ZNF609: variants seen among roughly 807,000 people sequenced by gnomAD.
ZNF609 encodes the protein zinc finger protein 609.
ZNF609 carries 11 observed loss-of-function variants against 109.5 expected under a neutral mutation model. The observed-to-expected ratio is 0.10, with a 90% CI of 0.06 to 0.17. The LOEUF is 0.17. Ranked by LOEUF, ZNF609 falls within the 10% of genes least tolerant of loss-of-function variation. The pLI, the probability that ZNF609 is intolerant of heterozygous loss-of-function variation, is 1.00. For missense variants in ZNF609, 1,559 were observed against 1,772.4 expected (o/e 0.88, Z 2.16); for synonymous variants, 646 against 662.0 (o/e 0.98, Z 0.37).
intron 2 of ZNF609, among the ~76,000 whole-genome samples, chr15:64,509,518 A>G (rs1181225970): frequency 6.6e-6 from 1 of 152,222 alleles, no homozygotes; most frequent in Non-Finnish European, 1.5e-5. Flanking sequence ...TAATCCCCTG[A>G]AGGCTTTGGA....
chr15:64,536,744 A>G (rs1320629211), intron 2 of ZNF609, among the ~76,000 whole-genome samples: 1 of 148,430 alleles, frequency 6.7e-6, no homozygotes, highest in African/African-American at 2.5e-5. Context: ...CAAAAAAAAA[A>G]TTAGCTGGCA....
chr15:64,477,623 C>CT (rs528565686), intron 1 of ZNF609, among the ~76,000 whole-genome samples: 114,778 of 142,610 alleles, frequency 0.8, 48,699 homozygotes, highest in East Asian at 0.95. Context: ...GTCTTATTTC[C>CT]TTTTTTTTTT....
chr15:64,606,475 G>T (rs1016680972), intron 2 of ZNF609, among the ~76,000 whole-genome samples: 1 of 147,734 alleles, frequency 6.8e-6, no homozygotes. Context: ...CACAAGAATC[G>T]CTTGAACCGG....
chr15:64,680,335 G>C lies in ZNF609; in HGVS notation c.3920G>C (p.Ser1307Thr), dbSNP rs1458459702. 4 of 1,614,182 alleles carry C rather than the reference G, an allele frequency of 2.5e-6. No homozygotes were observed. The South Asian group carries it at 3.3e-5, about 13-fold the overall frequency. The change falls in exon 7 of 10, where the codon AGT becomes ACT. Residue 1307 changes from serine to threonine, a missense_variant. Around this residue, in one of 4 missense-constraint regions of ZNF609, gnomAD observed 1,204 missense variants for 1,314.1 expected, o/e 0.92. Transcript: ENST00000326648. ...KALDILQQHA[S>T]HYKSKSPTIS... ...CTGGACATCTTGCAGCAGCATGCCA[G>C]TCACTACAAGAGCAAGTCTCCCACG...
chr15:64,537,835 G>A (rs1410557515), intron 2 of ZNF609, among the ~76,000 whole-genome samples: 4 of 152,040 alleles, frequency 2.6e-5, no homozygotes, highest in Admixed American at 6.6e-5. Flanking sequence ...GGTGGCTCTC[G>A]CCTGTAATCC....
intron 6 of ZNF609, 88 bp downstream of exon 6, chr15:64,678,570 CA>C: frequency 6.6e-7 from 1 of 1,505,926 alleles, no homozygotes; most frequent in Non-Finnish European, 8.9e-7. Context: ...TGCTCAGCCC[CA>C]AGGCATATTG....
At chr15:64,568,125 G>T (rs1894806433) in intron 2 of ZNF609, among the ~76,000 whole-genome samples, 1 of 152,062 alleles carries the variant, frequency 6.6e-6, no homozygotes, top group African/African-American at 2.4e-5. Context: ...CAGTTTGGAG[G>T]TTTTAAACAT....
At chr15:64,504,536 A>G (rs997733796) in intron 2 of ZNF609, among the ~76,000 whole-genome samples, 1 of 151,884 alleles carries the variant, frequency 6.6e-6, no homozygotes, top group Non-Finnish European at 1.5e-5. Context: ...CAGTGGCACG[A>G]TCTCGGCTCA....
chr15:64,626,946 C>T (rs1041741391), intron 3 of ZNF609, among the ~76,000 whole-genome samples: 2 of 152,148 alleles, frequency 1.3e-5, no homozygotes, highest in African/African-American at 4.8e-5. Flanking sequence ...TATCTCACCT[C>T]ACTTCAAATC....
chr15:64,467,427 T>C (rs1467391608), intron 1 of ZNF609, among the ~76,000 whole-genome samples: 1 of 152,270 alleles, frequency 6.6e-6, no homozygotes, highest in Non-Finnish European at 1.5e-5. Context: ...CAGTTATCTA[T>C]GCCAGAAGTA....
At chr15:64,536,734 C>CCCA (rs1491376093) in intron 2 of ZNF609, among the ~76,000 whole-genome samples, 4 of 123,658 alleles carry the variant, frequency 3.2e-5, no homozygotes, top group African/African-American at 1.2e-4. Context: ...CCCCCCCCCC[C>CCCA]AAAAAAAAAA....
At chr15:64,501,116 C>T (rs1893555381) in intron 2 of ZNF609, 2 of 152,432 alleles carry the variant, frequency 1.3e-5, no homozygotes, top group South Asian at 4.1e-4. Flanking sequence ...TGTTCATTGG[C>T]TCTTGATTTT....
intron 2 of ZNF609, among the ~76,000 whole-genome samples, chr15:64,601,037 A>C (rs932531885): frequency 2.0e-5 from 3 of 152,196 alleles, no homozygotes; most frequent in African/African-American, 7.2e-5. Flanking sequence ...CAAATCTCTG[A>C]GTCCTCTGTG....
At chr15:64,557,065 T>G (rs377657916) in intron 2 of ZNF609, among the ~76,000 whole-genome samples, 1 of 152,170 alleles carries the variant, frequency 6.6e-6, no homozygotes, top group Admixed American at 6.5e-5. Context: ...ATGAGATTCT[T>G]GGTTTTGGAG....
rs183909821 is a variant in ZNF609, at chr15:64,570,823, C to T, written c.748-52004C>T. Among the ~76,000 whole-genome samples the T allele has an allele frequency of 4.2e-3, 643 of 152,086 alleles. 9 individuals carry two copies. The highest frequency in any genetic ancestry group is 0.015 in the African/African-American group (607 of 41,496). ...GGTGGATCACCTGAGGTCAGGAGTT[C>T]GAGACGAGCCTGGCCAACATAGCAA... On this transcript the variant is annotated intron_variant, in intron 2 of 9. Transcript: ENST00000326648.
intron 2 of ZNF609, among the ~76,000 whole-genome samples, chr15:64,508,989 C>T (rs1893679413): frequency 6.6e-6 from 1 of 152,098 alleles, no homozygotes; most frequent in African/African-American, 2.4e-5. Flanking sequence ...CCACTGTGCC[C>T]AGCTGAGACC....
intron 2 of ZNF609, among the ~76,000 whole-genome samples, chr15:64,543,466 C>T (rs1894305246): frequency 6.9e-6 from 1 of 144,332 alleles, no homozygotes; most frequent in Admixed American, 7.1e-5. Context: ...TTTTTTTAAA[C>T]GGAGCCTCCC....
chr15:64,468,021 T>C (rs1199034556), intron 1 of ZNF609, among the ~76,000 whole-genome samples: 1 of 152,024 alleles, frequency 6.6e-6, no homozygotes, highest in East Asian at 1.9e-4. Context: ...TTTTTTTTTT[T>C]TCTTTTTTGA....
At chr15:64,616,018 T>C (rs185147562) in intron 2 of ZNF609, among the ~76,000 whole-genome samples, 68 of 152,304 alleles carry the variant, frequency 4.5e-4, no homozygotes, top group African/African-American at 1.6e-3. Context: ...ATCTCTTCAA[T>C]GAATTTCTTT....
Sources: gnomAD v4.1 joint callset for allele counts (sites outside exome capture counted in the v4.1 genomes callset) on GRCh38, gnomAD v4.1.1 for gene constraint, gnomAD v4.1.1 regional missense constraint, MANE v1.5 for transcripts, NCBI Gene and HGNC (gene_info 2026-07-23, HGNC 2026-07-21) for gene names.